The following RCOR2 variants were observed in gnomAD, a reference collection of about 807,000 sequenced individuals.
RCOR2 encodes the protein REST corepressor 2.
Under a neutral mutation model 58.9 loss-of-function variants are expected in RCOR2, and 19 were observed. The ratio of observed to expected loss-of-function variants is 0.32; its 90% CI spans 0.23 to 0.47. The LOEUF (loss-of-function observed/expected upper bound fraction) is 0.47. Among genes scored for constraint, RCOR2 ranks in the 20% least tolerant of loss-of-function variants. RCOR2 has a pLI of 1.00. For missense variants in RCOR2, 590 were observed against 707.9 expected, an observed-to-expected ratio of 0.83 and a Z score of 1.89; for synonymous variants, 286 against 278.7, an observed-to-expected ratio of 1.03 and a Z score of -0.26.
chr11:63,920,379 C>G (rs1418512778), upstream of RCOR2, among the ~76,000 whole-genome samples: 2 of 152,164 alleles, frequency 1.3e-5, no homozygotes, highest in Admixed American at 6.5e-5. Context: ...GCCGCTCCCT[C>G]CTCCCGCAGG....
In RCOR2 at chr11:63,914,265, C is replaced by G. The variant is rs1226774197; in HGVS notation, c.671G>C (p.Arg224Thr). 13 of 1,613,530 alleles carry G rather than the reference C, an allele frequency of 8.1e-6. No homozygotes were observed. The highest frequency in any genetic ancestry group is 1.1e-5 in the Non-Finnish European group (13 of 1,180,006). Residue 224 changes from arginine to threonine, a missense_variant, in exon 7 of 12, where the codon AGA becomes ACA. By Grantham distance (71) the Arg-to-Thr change is moderately conservative (BLOSUM62 -1). Transcript: ENST00000301459. ...EGEPDPADPK[R>T]EPLPSRPLNA... ...CCAGAGGCTCTGGGAGCTCACCTCT[C>G]TCTTGGGATCTGCAGGATCGGGCTC...
chr11:63,913,472 G>C (rs1165880911), intron 8 of RCOR2, among the ~76,000 whole-genome samples: 2 of 141,150 alleles, frequency 1.4e-5, no homozygotes, highest in Non-Finnish European at 3.1e-5. Context: ...TTACAGGTAT[G>C]AGCCACCGTG....
upstream of RCOR2, among the ~76,000 whole-genome samples, chr11:63,917,558 G>A (rs367611226): frequency 6.6e-6 from 1 of 152,100 alleles, no homozygotes; most frequent in East Asian, 1.9e-4. Flanking sequence ...TTCCCTTCCT[G>A]CCAAGGAACT....
chr11:63,926,405 C>G, the RCOR2 span, among the ~76,000 whole-genome samples: 1 of 152,120 alleles, frequency 6.6e-6, no homozygotes, highest in Non-Finnish European at 1.5e-5. Flanking sequence ...GCCCTGAGTC[C>G]CCTCTCTTTC....
Position 63,911,809 on chromosome 11 carries a change from T to C in RCOR2, c.*56A>G. On this transcript the variant is annotated 3_prime_UTR_variant, in exon 12 of 12. Coordinates refer to ENST00000301459, the MANE Select transcript of RCOR2 (RefSeq NM_173587.4). ...TGTCCTCAGTGACACCAGAGATGCC[T>C]GGGGATGGCCAGCAAAGGGGTCCTG... 1 of 1,469,990 alleles carries C rather than the reference T, an allele frequency of 6.8e-7. No individual in the cohort carries two copies. The allele number at this position is 1,469,990 out of a possible 1,614,324, so 91.1% of individuals were successfully genotyped here.
rs1941790739 is a variant in RCOR2 at position 63,912,716 on chromosome 11, G to A, written c.987C>T (p.Asn329=). Residue 329 remains asparagine, a synonymous_variant, in exon 10 of 12, where the codon AAC becomes AAT. Transcript: ENST00000301459. ...LRPPEANTKF[N]SRWTTDEQLL... The stretch of plus-strand genomic sequence containing the variant: ...GCTGCTCATCTGTGGTCCAGCGGGA[G>A]TTGAACTTGGTGTTGGCCTGGAAAG... The A allele has an allele frequency of 3.1e-6, 5 of 1,614,112 alleles. No individual in the cohort carries two copies. Among genetic ancestry groups the A allele is most frequent in the Non-Finnish European group, 4.2e-6 (5 of 1,180,014 alleles).
Position 63,917,119 on chromosome 11 carries a change from C to G in RCOR2, c.-663G>C, listed in dbSNP as rs1941870842. On this transcript the variant is annotated 5_prime_UTR_variant, in exon 1 of 12. Transcript: ENST00000301459. ...TCTCCCCGCCGCGCTCGGGATGCCGCTTGCTCGCCCGCTCTCCGCCGCCGC... is the reference window on the plus strand; with the variant it reads ...TCTCCCCGCCGCGCTCGGGATGCCGGTTGCTCGCCCGCTCTCCGCCGCCGC... Among the ~76,000 whole-genome samples, 2 of 151,766 alleles carry G rather than the reference C, an allele frequency of 1.3e-5. No homozygotes were observed. Among genetic ancestry groups the G allele is most frequent in the Admixed American group, 1.3e-4 (2 of 15,262 alleles).
upstream of RCOR2, among the ~76,000 whole-genome samples, chr11:63,917,976 A>G (rs992748692): frequency 6.6e-6 from 1 of 152,066 alleles, no homozygotes; most frequent in Non-Finnish European, 1.5e-5. Flanking sequence ...AGAGACTTTC[A>G]AAGCCAGACC....
In RCOR2 at chr11:63,916,383, T is replaced by C. The variant is rs1590736979; in HGVS notation, c.74A>G (p.Asn25Ser). The C allele has an allele frequency of 6.2e-7, 1 of 1,607,796 alleles. No individual in the cohort carries two copies. ...LSRSRAKTVP[N>S]GGQPHSEDDS... ...ATCCTCCGAGTGGGGCTGTCCGCCG[T>C]TGGGCACCGTCTTGGCCCGGCTACG... Residue 25 changes from asparagine to serine, a missense_variant, in exon 1 of 12, where the codon AAC becomes AGC. Asn to Ser is a conservative substitution (Grantham distance 46). Transcript: ENST00000301459.
chr11:63,920,740 C>T (rs926825345), upstream of RCOR2, among the ~76,000 whole-genome samples: 1 of 152,252 alleles, frequency 6.6e-6, no homozygotes, highest in South Asian at 2.1e-4. Flanking sequence ...GGGCCCCCAC[C>T]CTCTCAGTCC....
chr11:63,920,957 C>G (rs1472566405), upstream of RCOR2, among the ~76,000 whole-genome samples: 1 of 152,180 alleles, frequency 6.6e-6, no homozygotes, highest in Non-Finnish European at 1.5e-5. Flanking sequence ...CAATCTGGCG[C>G]TTGGCACCAC....
chr11:63,915,710 T>C, intron 1 of RCOR2, 99 bp from the exon 2 acceptor site: 1 of 1,090,688 alleles, frequency 9.2e-7, no homozygotes, highest in South Asian at 1.4e-5. Flanking sequence ...TTCTCCTTCC[T>C]GACCACCCAG....
upstream of RCOR2, among the ~76,000 whole-genome samples, chr11:63,921,203 G>A (rs1941913973): frequency 6.6e-6 from 1 of 152,186 alleles, no homozygotes; most frequent in African/African-American, 2.4e-5. Context: ...ACTCCATGAG[G>A]GGGAGCCTGC....
chr11:63,912,168 T>A lies in RCOR2; in HGVS notation c.1269A>T (p.Thr423=), dbSNP rs373028741. 2.8e-4 allele frequency: 431 copies of A among 1,554,572 alleles called. No homozygotes were observed. The highest frequency in any genetic ancestry group is 3.6e-4 in the Non-Finnish European group (420 of 1,152,138). The change falls in exon 12 of 12, where the codon ACA becomes ACT. Residue 423 remains threonine, a synonymous_variant. Coordinates refer to ENST00000301459, the MANE Select transcript of RCOR2 (RefSeq NM_173587.4). ...ALEEDDEVQI[T]SVSTSVPRSV... The stretch of plus-strand genomic sequence containing the variant: ...ATCGGGGCACGGACGTGGAGACCGA[T>A]GTAATCTGGACCTGAGGGGAGAGGA...
chr11:63,922,148 C>T (rs1020204324), upstream of RCOR2, among the ~76,000 whole-genome samples: 11 of 152,316 alleles, frequency 7.2e-5, no homozygotes, highest in South Asian at 2.3e-3. Flanking sequence ...CAGCACCATG[C>T]TCTTGGACTT....
chr11:63,922,802 C>T, the RCOR2 span, among the ~76,000 whole-genome samples: 72 of 152,312 alleles, frequency 4.7e-4, no homozygotes, highest in African/African-American at 1.7e-3. Flanking sequence ...AGGTGGCTCA[C>T]CATTCTCTGA....
chr11:63,923,061 C>A, the RCOR2 span, among the ~76,000 whole-genome samples: 18 of 152,136 alleles, frequency 1.2e-4, no homozygotes, highest in African/African-American at 4.1e-4. Flanking sequence ...GGAAGTGAGG[C>A]CATCTGGGAG....
At position 63,914,112 on chromosome 11, in the gene RCOR2, C is replaced by A; in HGVS notation, c.733G>T (p.Val245Leu). The change falls in exon 8 of 12, where the codon GTG (valine) becomes TTG (leucine). Residue 245 changes from valine to leucine, a missense_variant. This residue lies in a region of RCOR2 where 390 missense variants were observed against 478.7 expected (regional missense o/e 0.81). Transcript: ENST00000301459. ...RPGPGKKEVQ[V>L]SQYRHHPLRT... ...AAGGGATGGTGGCGGTACTGAGACA[C>A]CTGGACCTCCTTTTTCCCAGGGCCT... 1 of 1,613,924 alleles carries A rather than the reference C, an allele frequency of 6.2e-7. No individual in the cohort carries two copies. Among genetic ancestry groups the A allele is most frequent in the Non-Finnish European group, 8.5e-7 (1 of 1,180,020 alleles).
the RCOR2 span, among the ~76,000 whole-genome samples, chr11:63,922,712 G>A: frequency 5.3e-5 from 8 of 152,086 alleles, no homozygotes; most frequent in Admixed American, 2.6e-4. Flanking sequence ...AGCCTTCCAC[G>A]GTTCCCTATT....
Sources: allele counts gnomAD v4.1 joint callset (sites outside exome capture counted in the v4.1 genomes callset), GRCh38; gene constraint gnomAD v4.1.1; regional missense constraint gnomAD v4.1.1; transcripts MANE v1.5; gene names NCBI Gene and HGNC (gene_info 2026-07-23, HGNC 2026-07-21).